Variants in PDE1C observed in about 807,000 individuals in gnomAD.
PDE1C encodes the protein phosphodiesterase 1C.
Under a neutral mutation model 93.1 loss-of-function variants are expected in PDE1C, and 62 were observed. The ratio of observed to expected loss-of-function variants is 0.67; its 90% CI spans 0.54 to 0.82. PDE1C has a LOEUF of 0.82. PDE1C is among the 40% of genes least tolerant of loss of function. The pLI, the probability that PDE1C is intolerant of heterozygous loss-of-function variation, is 0.00. For synonymous variants in PDE1C, 325 were observed against 310.1 expected (o/e 1.05, Z -0.50); for missense variants, 742 against 884.6 (o/e 0.84, Z 2.04).
chr7:31,645,544 G>A, the PDE1C span, among the ~76,000 whole-genome samples: 1 of 151,186 alleles, frequency 6.6e-6, no homozygotes, highest in Non-Finnish European at 1.5e-5. Flanking sequence ...AGTATCAAAA[G>A]ACTTTGGTTC....
chr7:31,966,640 A>G (rs1472594964), intron 2 of PDE1C, among the ~76,000 whole-genome samples: 1 of 152,222 alleles, frequency 6.6e-6, no homozygotes, highest in Non-Finnish European at 1.5e-5. Context: ...CTCTACCCTA[A>G]ATCAACAGAG....
chr7:32,078,118 AG>A (rs765492371), intron 3 of PDE1C: 77 of 715,352 alleles, frequency 1.1e-4, no homozygotes, highest in Non-Finnish European at 1.3e-4. Context: ...TCTGACCCAA[AG>A]GTACATAAAT....
chr7:32,022,233 A>T (rs1042930895), intron 2 of PDE1C, among the ~76,000 whole-genome samples: 7 of 152,136 alleles, frequency 4.6e-5, no homozygotes. Context: ...AAAAGGAATC[A>T]AACATGAATC....
intron 17 of PDE1C, among the ~76,000 whole-genome samples, chr7:31,761,102 G>GGGTGAGGAAACTGCGGCTTAGAGA (rs756849102): frequency 6.6e-6 from 1 of 151,450 alleles, no homozygotes; most frequent in African/African-American, 2.4e-5. Flanking sequence ...CATGTATTTT[G>GGGTGAGGAAACTGCGGCTTAGAGA]GCTAAAGTAA....
chr7:32,038,578 A>G (rs897239112), intron 2 of PDE1C, among the ~76,000 whole-genome samples: 1 of 152,250 alleles, frequency 6.6e-6, no homozygotes, highest in African/African-American at 2.4e-5. Context: ...AAAAATCACA[A>G]AGTTTAAGTG....
At chr7:31,792,074 C>A (rs1305422784) in intron 16 of PDE1C, among the ~76,000 whole-genome samples, 1 of 152,062 alleles carries the variant, frequency 6.6e-6, no homozygotes, top group African/African-American at 2.4e-5. Context: ...AGTAAAAGAA[C>A]AAGAAGCATA....
At chr7:32,024,861 C>T (rs1789192261) in intron 2 of PDE1C, among the ~76,000 whole-genome samples, 1 of 152,140 alleles carries the variant, frequency 6.6e-6, no homozygotes, top group African/African-American at 2.4e-5. Flanking sequence ...GATTCCTCTT[C>T]CCTCAGGGAA....
At chr7:31,688,865 CA>C in the PDE1C span, among the ~76,000 whole-genome samples, 178 of 152,300 alleles carry the variant, frequency 1.2e-3, no homozygotes, top group Non-Finnish European at 2.1e-3. Context: ...GTAATTCGAT[CA>C]ATACTCTTTC....
At chr7:31,935,021 T>A (rs1321985223) in intron 2 of PDE1C, among the ~76,000 whole-genome samples, 1 of 151,916 alleles carries the variant, frequency 6.6e-6, no homozygotes. Context: ...AGAACATACA[T>A]GTAAGGACAA....
chr7:31,692,400 C>A, the PDE1C span: 2 of 1,471,220 alleles, frequency 1.4e-6, no homozygotes, highest in Non-Finnish European at 1.9e-6. Flanking sequence ...TTTTATACTT[C>A]CTTAGTGCTG....
Position 32,065,346 on chromosome 7 carries a change from T to C in PDE1C, c.101+4947A>G, listed in dbSNP as rs562262891. 2.4e-3 allele frequency among the ~76,000 whole-genome samples: 370 copies of C among 152,334 alleles called. 3 individuals are homozygous for C. Among genetic ancestry groups the C allele is most frequent in the Non-Finnish European group, 4.2e-3 (286 of 68,034 alleles). On this transcript the variant is annotated intron_variant, in intron 1 of 17. Transcript: ENST00000396191. ...CTTTGTAAAAGGTTTCTTTGCATTT[T>C]TGCAAAAGGCTGACATCAATGAAAA...
intron 1 of PDE1C, among the ~76,000 whole-genome samples, chr7:32,061,011 C>T (rs992998414): frequency 7.9e-5 from 12 of 152,154 alleles, no homozygotes. Context: ...ATTTGAACTA[C>T]TCCTAAAACA....
At chr7:31,843,268 G>C (rs1465129520) in intron 9 of PDE1C, among the ~76,000 whole-genome samples, 1 of 151,766 alleles carries the variant, frequency 6.6e-6, no homozygotes, top group African/African-American at 2.4e-5. Flanking sequence ...TTTTTGTCCA[G>C]TTTGTCTATC....
chr7:32,310,236 C>A (rs1258399705), intron 1 of PDE1C, among the ~76,000 whole-genome samples: 1 of 151,826 alleles, frequency 6.6e-6, no homozygotes, highest in Admixed American at 6.6e-5. Context: ...TACAGGAGCA[C>A]CCAGATTCAT....
intron 2 of PDE1C, among the ~76,000 whole-genome samples, chr7:32,011,246 G>A (rs1303430344): frequency 6.6e-6 from 1 of 151,320 alleles, no homozygotes; most frequent in East Asian, 1.9e-4. Context: ...AGGCTGGAGT[G>A]CAGTGGTGCA....
At chr7:32,408,422 C>CA (rs1223352340) in intron 1 of PDE1C, among the ~76,000 whole-genome samples, 1 of 152,210 alleles carries the variant, frequency 6.6e-6, no homozygotes, top group Non-Finnish European at 1.5e-5. Context: ...GGAATGTGCA[C>CA]AGCCCACTCC....
intron 2 of PDE1C, among the ~76,000 whole-genome samples, chr7:32,050,957 G>A (rs956238549): frequency 2.6e-5 from 4 of 152,196 alleles, no homozygotes; most frequent in African/African-American, 9.7e-5. Context: ...ATAGGTTAGG[G>A]CCAGTGACCA....
At chr7:31,631,957 C>T in the PDE1C span, among the ~76,000 whole-genome samples, 2 of 152,304 alleles carry the variant, frequency 1.3e-5, no homozygotes, top group East Asian at 3.9e-4. Flanking sequence ...GCCGGCCGAC[C>T]AGTGTCCAGC....
chr7:31,964,697 G>T (rs554941823), intron 2 of PDE1C, among the ~76,000 whole-genome samples: 1 of 152,328 alleles, frequency 6.6e-6, no homozygotes, highest in South Asian at 2.1e-4. Context: ...CTAACTGGGA[G>T]GCAACCCCCC....
Sources: gnomAD v4.1 joint callset for allele counts (sites outside exome capture counted in the v4.1 genomes callset) on GRCh38, gnomAD v4.1.1 for gene constraint, MANE v1.5 for transcripts, NCBI Gene and HGNC (gene_info 2026-07-23, HGNC 2026-07-21) for gene names.